SLC2A9: variants seen among roughly 807,000 people sequenced by gnomAD.
The protein encoded by SLC2A9 is solute carrier family 2, facilitated glucose transporter member 9.
Under a neutral mutation model 50.6 loss-of-function variants are expected in SLC2A9, and 39 were observed. The observed-to-expected ratio is 0.77, with a 90% confidence interval of 0.60 to 1.01. SLC2A9 has a LOEUF of 1.01. Ranked by LOEUF, SLC2A9 falls within the 50% of genes least tolerant of loss-of-function variation. SLC2A9 has a pLI of 0.00. For synonymous variants in SLC2A9, 324 were observed against 276.9 expected (o/e 1.17, Z -1.69); for missense variants, 686 against 677.6 (o/e 1.01, Z -0.14).
intron 1 of SLC2A9, among the ~76,000 whole-genome samples, chr4:10,036,503 T>A (rs953528217): frequency 6.6e-6 from 1 of 152,244 alleles, no homozygotes; most frequent in African/African-American, 2.4e-5. Flanking sequence ...CACACACAAT[T>A]CCATGTGGTG....
intron 10 of SLC2A9, among the ~76,000 whole-genome samples, chr4:9,842,873 T>C (rs1728303276): frequency 6.6e-6 from 1 of 152,094 alleles, no homozygotes; most frequent in African/African-American, 2.4e-5. Context: ...TGAGAAGCAG[T>C]TTATGTGCCA....
chr4:9,816,327 T>C (rs913677596), intron 3 of SLC2A9, among the ~76,000 whole-genome samples: 1 of 152,180 alleles, frequency 6.6e-6, no homozygotes, highest in South Asian at 2.1e-4. Context: ...GTAACTAATT[T>C]CTAAAAACTT....
rs566828973 is a variant in SLC2A9, at chr4:9,941,903, G to A, written c.814+10C>T. ...GGCTGGAGCTGTGCAGGAAAGGGAA[G>A]GGCCCTCACCTTTCACAGCTCTTGC... On this transcript the variant is annotated intron_variant, in intron 6 of 11. Coordinates refer to ENST00000264784, the MANE Select transcript of SLC2A9 (RefSeq NM_020041.3). 1 of 1,613,950 alleles carries A rather than the reference G, an allele frequency of 6.2e-7. No homozygotes were observed. The highest frequency in any genetic ancestry group is 1.3e-5 in the African/African-American group (1 of 75,064).
rs750150114 is a variant in SLC2A9, at chr4:9,980,757, C to G, written c.536-20G>C. ...CGACGCCTGTAGAGAGAAAGCATAG[C>G]AGCAGTTAGAGAGGTGTCTTCCCGG... On this transcript the variant is annotated intron_variant, in intron 4 of 11. Transcript: ENST00000264784. The G allele has an allele frequency of 1.9e-6, 3 of 1,614,190 alleles. No individual in the cohort carries two copies. In the East Asian group the frequency reaches 6.7e-5, roughly 36 times the overall value.
At chr4:9,787,921 ACT>A (rs1202586546) in intron 3 of SLC2A9, among the ~76,000 whole-genome samples, 1 of 152,196 alleles carries the variant, frequency 6.6e-6, no homozygotes, top group African/African-American at 2.4e-5. Context: ...GGTGCTGTCC[ACT>A]GTTTTACTCT....
chr4:9,814,244 T>A (rs1174650946), intron 3 of SLC2A9, among the ~76,000 whole-genome samples: 1 of 152,242 alleles, frequency 6.6e-6, no homozygotes, highest in East Asian at 1.9e-4. Context: ...GTGGTTTGTC[T>A]TACCTACCAT....
chr4:9,806,143 A>T (rs1324561123), intron 3 of SLC2A9, among the ~76,000 whole-genome samples: 1 of 152,238 alleles, frequency 6.6e-6, no homozygotes, highest in Non-Finnish European at 1.5e-5. Context: ...ACAGGCCCCA[A>T]CATCTGGCCA....
downstream of SLC2A9, among the ~76,000 whole-genome samples, chr4:9,822,878 G>C (rs1483730067): frequency 6.6e-6 from 1 of 152,136 alleles, no homozygotes; most frequent in Non-Finnish European, 1.5e-5. Flanking sequence ...ATCGAGGCAG[G>C]AGATGTCTCC....
intron 10 of SLC2A9, among the ~76,000 whole-genome samples, chr4:9,881,064 G>A (rs1289243659): frequency 9.9e-5 from 15 of 152,180 alleles, no homozygotes; most frequent in Admixed American, 8.5e-4. Context: ...CCTGCACTCC[G>A]GGGAGTGGTT....
At position 9,799,692 on chromosome 4, in the gene SLC2A9, A is replaced by ACCCCCCCC. The variant is rs57223650; in HGVS notation, n.421-459_421-452dup. On this transcript the variant is annotated intron_variant and non_coding_transcript_variant, in intron 3 of 3. Transcript: ENST00000503280. ...GCTTTCTGAGCTCCATTCCAATTGT[A>ACCCCCCCC]CCCCCCCCCCACCCAACTTCTACAC... 5.3e-3 allele frequency among the ~76,000 whole-genome samples: 371 copies of ACCCCCCCC among 69,818 alleles called. 1 individual carries two copies. Among genetic ancestry groups the ACCCCCCCC allele is most frequent in the East Asian group, 0.013 (26 of 2,060 alleles). 45.8% of individuals were successfully genotyped at this position (69,818 alleles called of 152,430 possible). A position where few individuals can be genotyped will look rare whatever the true frequency, so the allele number is the denominator to read the frequency against.
At chr4:9,932,981 C>T (rs921171914) in intron 6 of SLC2A9, among the ~76,000 whole-genome samples, 14 of 152,230 alleles carry the variant, frequency 9.2e-5, no homozygotes, top group African/African-American at 1.2e-4. Context: ...GTGGTTCCCA[C>T]GTCATCTGTG....
intron 1 of SLC2A9, among the ~76,000 whole-genome samples, chr4:10,020,607 C>T (rs574986540): frequency 6.6e-6 from 1 of 152,316 alleles, no homozygotes; most frequent in East Asian, 1.9e-4. Context: ...AACGCCTGTT[C>T]TCTATCACTC....
chr4:9,940,833 G>A (rs1485492346), intron 6 of SLC2A9, among the ~76,000 whole-genome samples: 1 of 152,212 alleles, frequency 6.6e-6, no homozygotes, highest in Non-Finnish European at 1.5e-5. Flanking sequence ...AAAAGATGTT[G>A]CACAAATTGT....
At chr4:10,013,527 A>T (rs1391759606) in intron 2 of SLC2A9, among the ~76,000 whole-genome samples, 5 of 152,216 alleles carry the variant, frequency 3.3e-5, no homozygotes, top group African/African-American at 1.2e-4. Context: ...CCTCGCCTTT[A>T]AAAGGGGGTT....
intron 10 of SLC2A9, among the ~76,000 whole-genome samples, chr4:9,839,148 A>G (rs1484851047): frequency 6.6e-6 from 1 of 152,220 alleles, no homozygotes; most frequent in Non-Finnish European, 1.5e-5. Flanking sequence ...CAAATTTACA[A>G]GAATAAAACC....
intron 5 of SLC2A9, among the ~76,000 whole-genome samples, chr4:9,955,836 A>G (rs1374236740): frequency 1.3e-5 from 2 of 148,536 alleles, no homozygotes; most frequent in Non-Finnish European, 3.0e-5. Flanking sequence ...ATTCTTATTC[A>G]GAAAGTCTGA....
intron 3 of SLC2A9, among the ~76,000 whole-genome samples, chr4:9,785,215 G>A (rs1336959510): frequency 1.3e-5 from 2 of 152,160 alleles, no homozygotes; most frequent in Admixed American, 6.5e-5. Flanking sequence ...TTCTGTCTGT[G>A]TCTGTAAATG....
intron 10 of SLC2A9, among the ~76,000 whole-genome samples, chr4:9,849,893 A>G (rs1729584219): frequency 1.3e-5 from 2 of 152,022 alleles, no homozygotes; most frequent in Admixed American, 6.6e-5. Context: ...GCATTTTAAC[A>G]TTCTTCCTTT....
chr4:9,993,550 G>C (rs1480384586), intron 3 of SLC2A9, among the ~76,000 whole-genome samples: 2 of 152,134 alleles, frequency 1.3e-5, no homozygotes, highest in Non-Finnish European at 2.9e-5. Flanking sequence ...CGTGAACTAA[G>C]TAAAGATGAA....
Sources: allele counts gnomAD v4.1 joint callset (sites outside exome capture counted in the v4.1 genomes callset), GRCh38; gene constraint gnomAD v4.1.1; transcripts MANE v1.5; gene names NCBI Gene and HGNC (gene_info 2026-07-23, HGNC 2026-07-21).